Variants in RABGAP1L observed in about 807,000 individuals in gnomAD.
RABGAP1L encodes rab GTPase-activating protein 1-like.
Under a neutral mutation model 137.7 loss-of-function variants are expected in RABGAP1L, and 63 were observed. The ratio of observed to expected loss-of-function variants is 0.46; its 90% CI spans 0.37 to 0.56. The LOEUF is 0.56. Ranked by LOEUF, RABGAP1L falls within the 20% of genes least tolerant of loss-of-function variation. The probability of loss-of-function intolerance (pLI) is 0.00; values close to 1 mark genes in which losing one functional copy is unlikely to be tolerated. For missense variants in RABGAP1L, 1,095 were observed against 1,244.0 expected (o/e 0.88, Z 1.80); for synonymous variants, 431 against 433.7 (o/e 0.99, Z 0.08).
At chr1:174,784,655 C>CG (rs1263142642) in intron 18 of RABGAP1L, among the ~76,000 whole-genome samples, 1 of 152,082 alleles carries the variant, frequency 6.6e-6, no homozygotes, top group Non-Finnish European at 1.5e-5. Context: ...TGTCAGGAAT[C>CG]GGAGTTCAAA....
Position 174,241,526 on chromosome 1 carries a change from A to T in RABGAP1L, c.586A>T (p.Ile196Phe). 1.2e-6 allele frequency: 2 copies of T among 1,610,486 alleles called. No individual in the cohort carries two copies. Among genetic ancestry groups the T allele is most frequent in the Non-Finnish European group, 8.5e-7 (1 of 1,178,288 alleles). The change falls in exon 5 of 26, where the codon ATC (isoleucine) becomes TTC (phenylalanine). Residue 196 changes from isoleucine to phenylalanine, a missense_variant. Physicochemically the swap from Ile to Phe is conservative, Grantham distance 21. Transcript: ENST00000681986. ...SSNVEIASFP[I>F]YKVLFCARGH... is the part of the protein sequence containing the mutation. ...CAATGTGGAGATAGCATCTTTTCCA[A>T]TCTATAAGGTGTTATTCTGTGCACG...
intron 13 of RABGAP1L, among the ~76,000 whole-genome samples, chr1:174,421,280 C>T (rs965961632): frequency 4.6e-5 from 7 of 152,102 alleles, no homozygotes; most frequent in African/African-American, 9.7e-5. Context: ...TCTTTGCTAC[C>T]GTTAGAGTCT....
intron 12 of RABGAP1L, among the ~76,000 whole-genome samples, chr1:174,385,491 A>T (rs1002354271): frequency 1.1e-4 from 17 of 152,232 alleles, no homozygotes; most frequent in African/African-American, 3.6e-4. Flanking sequence ...TTTGGGAGTC[A>T]TCAGTATATA....
rs560438840 is a variant in RABGAP1L at position 174,398,705 on chromosome 1, G to GT, written c.1710+4566dup. 2.3e-4 allele frequency among the ~76,000 whole-genome samples: 35 copies of GT among 152,168 alleles called. No individual in the cohort carries two copies. The South Asian group carries it at 6.2e-3, about 27-fold the overall frequency. ...ACTATCTTCATGGAAAACTAGAAATGTTTTTTAAAAGATAGACACATTGAT... is the reference window on the plus strand; with the variant it reads ...ACTATCTTCATGGAAAACTAGAAATGTTTTTTTAAAAGATAGACACATTGAT... On this transcript the variant is annotated intron_variant, in intron 13 of 25. Coordinates refer to ENST00000681986, the MANE Select transcript of RABGAP1L (RefSeq NM_001366446.1).
At position 174,265,218 on chromosome 1, in the gene RABGAP1L, A is replaced by G. The variant is rs562671472; in HGVS notation, c.987-7196A>G. On this transcript the variant is annotated intron_variant, in intron 7 of 25. Transcript: ENST00000681986. ...CCCGTTTATTTTGATGCATATAGCT[A>G]GTATCTGCAAAAGCCCAAATAATGT... Among the ~76,000 whole-genome samples, 307 of 152,336 alleles carry G rather than the reference A, an allele frequency of 2.0e-3. 4 individuals are homozygous for G. The highest frequency in any genetic ancestry group is 4.2e-3 in the Admixed American group (64 of 15,306).
chr1:174,548,019 A>G, intron 13 of RABGAP1L: 1 of 1,550,586 alleles, frequency 6.4e-7, no homozygotes, highest in Non-Finnish European at 8.7e-7. Context: ...AATATGTCCT[A>G]AAACACCAAC....
chr1:174,957,707 A>C lies in RABGAP1L; in HGVS notation c.2433+158A>C, dbSNP rs770909564. Reference sequence around the variant, plus strand: ...GCTGGGATTACAGGCACGAGCCACCATTCCCAGCAAAGTACCTTTTTTTTT... The same window carrying C: ...GCTGGGATTACAGGCACGAGCCACCCTTCCCAGCAAAGTACCTTTTTTTTT... On this transcript the variant is annotated intron_variant, in intron 20 of 25. Transcript: ENST00000681986. The C allele has an allele frequency of 6.7e-6, 6 of 898,144 alleles. No homozygotes were observed. The South Asian group carries it at 9.0e-5, about 13-fold the overall frequency. 55.6% of individuals were successfully genotyped at this position (898,144 alleles called of 1,614,324 possible). A position where few individuals can be genotyped will look rare whatever the true frequency, so the allele number is the denominator to read the frequency against.
chr1:174,554,114 A>C (rs188182292), intron 13 of RABGAP1L, among the ~76,000 whole-genome samples: 1 of 152,306 alleles, frequency 6.6e-6, no homozygotes, highest in African/African-American at 2.4e-5. Context: ...CTCCTCCTAT[A>C]GTCTGAAAAT....
At chr1:174,524,121 C>T (rs915251571) in intron 13 of RABGAP1L, among the ~76,000 whole-genome samples, 2 of 152,116 alleles carry the variant, frequency 1.3e-5, no homozygotes, top group East Asian at 1.9e-4. Flanking sequence ...CTTTGATATA[C>T]TGACTTCTTT....
At chr1:174,574,787 C>G (rs560065059) in intron 13 of RABGAP1L, among the ~76,000 whole-genome samples, 1 of 152,246 alleles carries the variant, frequency 6.6e-6, no homozygotes, top group East Asian at 1.9e-4. Flanking sequence ...TTCCTAATAC[C>G]TAAATGGCAC....
intron 19 of RABGAP1L, among the ~76,000 whole-genome samples, chr1:174,927,420 G>A (rs537423510): frequency 5.9e-5 from 9 of 152,204 alleles, no homozygotes; most frequent in Admixed American, 2.6e-4. Context: ...ATTAGAGATA[G>A]GGTCTCGCTG....
rs1681770148 is a variant in RABGAP1L, at chr1:174,339,416, G to A, written c.1466-31563G>A. Among the ~76,000 whole-genome samples the A allele has an allele frequency of 2.6e-5, 4 of 152,136 alleles. No homozygotes were observed. In the South Asian group the frequency reaches 6.2e-4, roughly 24 times the overall value. On this transcript the variant is annotated intron_variant, in intron 11 of 25. Transcript: ENST00000681986. ...TCATTTAAGTGAGCCTAAACAAGTT[G>A]TCAGTATTCAGGGCTATAACTGTAC...
At position 174,195,774 on chromosome 1, in the gene RABGAP1L, TC is replaced by T. The variant is rs772488492; in HGVS notation, c.-33-23349del. ...TTCTCTCTTTCTCTCTTTCTCTCTTTCCTTTCTTTCTTTTCTTTCTTTCTTT... is the reference window on the plus strand; with the variant it reads ...TTCTCTCTTTCTCTCTTTCTCTCTTTCTTTCTTTCTTTTCTTTCTTTCTTT... On this transcript the variant is annotated intron_variant, in intron 1 of 25. Transcript: ENST00000681986. 5.2e-3 allele frequency among the ~76,000 whole-genome samples: 626 copies of T among 121,354 alleles called. 3 individuals are homozygous for T. Among genetic ancestry groups the T allele is most frequent in the African/African-American group, 0.018 (579 of 32,662 alleles). 79.6% of individuals were successfully genotyped at this position (121,354 alleles called of 152,430 possible).
At chr1:174,802,875 A>G (rs532511511) in intron 18 of RABGAP1L, among the ~76,000 whole-genome samples, 93 of 152,236 alleles carry the variant, frequency 6.1e-4, no homozygotes, top group Non-Finnish European at 1.1e-3. Flanking sequence ...ATCAATGGCT[A>G]ATCTGCACAG....
At chr1:174,408,142 A>C (rs557623132) in intron 13 of RABGAP1L, among the ~76,000 whole-genome samples, 2 of 152,224 alleles carry the variant, frequency 1.3e-5, no homozygotes, top group South Asian at 4.1e-4. Flanking sequence ...ATGATGCTGA[A>C]GTTTTGGGTG....
intron 18 of RABGAP1L, chr1:174,800,386 C>G: frequency 6.4e-7 from 1 of 1,550,626 alleles, no homozygotes; most frequent in Non-Finnish European, 8.7e-7. Flanking sequence ...CACCTCCTGT[C>G]AAAAAGTCCC....
chr1:174,859,433 A>G (rs1256009900), intron 19 of RABGAP1L, among the ~76,000 whole-genome samples: 1 of 148,998 alleles, frequency 6.7e-6, no homozygotes, highest in Non-Finnish European at 1.5e-5. Context: ...CAGTGAGCGG[A>G]GATTGTGCTA....
At chr1:174,272,858 G>T (rs571715968) in intron 8 of RABGAP1L, among the ~76,000 whole-genome samples, 23 of 151,960 alleles carry the variant, frequency 1.5e-4, no homozygotes, top group African/African-American at 5.5e-4. Flanking sequence ...AGTTTGTGAT[G>T]GGTACTTTTG....
intron 19 of RABGAP1L, among the ~76,000 whole-genome samples, chr1:174,888,276 A>G (rs902525643): frequency 3.9e-5 from 6 of 152,176 alleles, no homozygotes; most frequent in African/African-American, 1.4e-4. Context: ...AATGGAAGGA[A>G]TTGATAAATT....
Sources: allele counts gnomAD v4.1 joint callset (sites outside exome capture counted in the v4.1 genomes callset), GRCh38; gene constraint gnomAD v4.1.1; transcripts MANE v1.5; gene names NCBI Gene and HGNC (gene_info 2026-07-23, HGNC 2026-07-21).